Variants in SEMA3A observed in about 807,000 individuals in gnomAD.
The protein encoded by SEMA3A is semaphorin 3A.
In SEMA3A, 29 loss-of-function variants were observed where a neutral mutation model predicts 97.9. The observed-to-expected ratio is 0.30, with a 90% CI of 0.22 to 0.40. The LOEUF (loss-of-function observed/expected upper bound fraction) is 0.40. SEMA3A is among the 10% of genes least tolerant of loss of function. SEMA3A has a pLI of 1.00. For missense variants in SEMA3A, 763 were observed against 951.3 expected (o/e 0.80, Z 2.60); for synonymous variants, 321 against 323.7 (o/e 0.99, Z 0.09).
intron 4 of SEMA3A, among the ~76,000 whole-genome samples, chr7:84,081,311 G>A (rs1051814154): frequency 3.9e-5 from 6 of 152,030 alleles, no homozygotes; most frequent in Non-Finnish European, 8.8e-5. Flanking sequence ...AAGCTTGTAG[G>A]GCCGGGCGCG....
chr7:84,449,080 A>T (rs1805496685), intron 1 of SEMA3A, among the ~76,000 whole-genome samples: 1 of 152,208 alleles, frequency 6.6e-6, no homozygotes, highest in South Asian at 2.1e-4. Flanking sequence ...GTGCCAGGAA[A>T]ACTGCATATG....
At chr7:84,105,085 G>A (rs1795068889) in intron 4 of SEMA3A, among the ~76,000 whole-genome samples, 1 of 152,080 alleles carries the variant, frequency 6.6e-6, no homozygotes, top group African/African-American at 2.4e-5. Context: ...AGGCTAGCAT[G>A]CTACAAAATA....
chr7:84,298,092 T>G (rs1001231480), intron 3 of SEMA3A, among the ~76,000 whole-genome samples: 6 of 152,144 alleles, frequency 3.9e-5, no homozygotes, highest in Admixed American at 2.6e-4. Flanking sequence ...AAAATGATCC[T>G]AGAAATATGG....
chr7:84,424,607 T>C (rs1251124992), intron 1 of SEMA3A, among the ~76,000 whole-genome samples: 2 of 47,604 alleles, frequency 4.2e-5, no homozygotes, highest in Non-Finnish European at 6.2e-5. Context: ...TAAATATTAA[T>C]ATATAATATA....
chr7:84,012,161 C>T (rs1381299614), intron 7 of SEMA3A, among the ~76,000 whole-genome samples: 1 of 151,952 alleles, frequency 6.6e-6, no homozygotes, highest in Non-Finnish European at 1.5e-5. Flanking sequence ...TTGTACAACA[C>T]CATGACTTTA....
At chr7:84,418,962 C>T (rs1804514397) in intron 1 of SEMA3A, among the ~76,000 whole-genome samples, 1 of 152,014 alleles carries the variant, frequency 6.6e-6, no homozygotes, top group South Asian at 2.1e-4. Flanking sequence ...TATATACACA[C>T]ACACATACAT....
Position 83,957,444 on chromosome 7 carries a change from T to C in SEMA3A, c.*3927A>G, listed in dbSNP as rs1021750643. 6.6e-6 allele frequency: 1 copy of C among 152,082 alleles called. No individual in the cohort carries two copies. Among genetic ancestry groups the C allele is most frequent in the Non-Finnish European group, 1.5e-5 (1 of 67,976 alleles). 9.4% of individuals were successfully genotyped at this position (152,082 alleles called of 1,614,324 possible). A position where few individuals can be genotyped will look rare whatever the true frequency, so the allele number is the denominator to read the frequency against. On this transcript the variant is annotated 3_prime_UTR_variant, in exon 17 of 17. Coordinates refer to ENST00000265362, the MANE Select transcript of SEMA3A (RefSeq NM_006080.3). ...AGGCAAAGTGTCTAGAGGCCCAGTTTTTTAATATTCAAAATCTTCTTTTTG... is the reference window on the plus strand; with the variant it reads ...AGGCAAAGTGTCTAGAGGCCCAGTTCTTTAATATTCAAAATCTTCTTTTTG...
chr7:84,185,426 C>G (rs563707284), intron 1 of SEMA3A, among the ~76,000 whole-genome samples: 3 of 151,996 alleles, frequency 2.0e-5, no homozygotes, highest in South Asian at 4.1e-4. Flanking sequence ...AATCCCAGCA[C>G]TTTGGGAGGC....
At chr7:84,018,614 T>C (rs1791195417) in intron 6 of SEMA3A, among the ~76,000 whole-genome samples, 1 of 152,130 alleles carries the variant, frequency 6.6e-6, no homozygotes, top group Non-Finnish European at 1.5e-5. Flanking sequence ...TCAGAAGATA[T>C]GACATATACT....
intron 3 of SEMA3A, among the ~76,000 whole-genome samples, chr7:84,114,185 G>A (rs994252502): frequency 3.9e-5 from 6 of 152,064 alleles, no homozygotes; most frequent in Admixed American, 2.6e-4. Context: ...ACTAACTTCC[G>A]ATAATTATAC....
At chr7:84,133,578 A>G (rs943243155) in intron 2 of SEMA3A, among the ~76,000 whole-genome samples, 1 of 152,182 alleles carries the variant, frequency 6.6e-6, no homozygotes, top group African/African-American at 2.4e-5. Flanking sequence ...GATGTATTCC[A>G]AAATGAAATT....
intron 1 of SEMA3A, among the ~76,000 whole-genome samples, chr7:84,404,577 C>A (rs540382873): frequency 2.0e-4 from 31 of 151,984 alleles, no homozygotes; most frequent in Non-Finnish European, 3.8e-4. Flanking sequence ...AGAGCAACTC[C>A]AAGACACATA....
At chr7:84,261,253 A>G (rs1365423127) in intron 3 of SEMA3A, among the ~76,000 whole-genome samples, 2 of 151,056 alleles carry the variant, frequency 1.3e-5, no homozygotes, top group Non-Finnish European at 2.9e-5. Flanking sequence ...ACTCAATAAC[A>G]CTCCTCTCTA....
intron 2 of SEMA3A, among the ~76,000 whole-genome samples, chr7:84,321,872 G>GAAAAAAAAAAAAAAAAAAAAAAAAAAA (rs1156548285): frequency 8.3e-5 from 1 of 12,074 alleles, no homozygotes; most frequent in African/African-American, 2.5e-4. Context: ...CGAGACTACG[G>GAAAAAAAAAAAAAAAAAAAAAAAAAAA]AAAAAAAAAA....
At chr7:84,394,485 A>G (rs1280153581) in intron 1 of SEMA3A, among the ~76,000 whole-genome samples, 1 of 152,098 alleles carries the variant, frequency 6.6e-6, no homozygotes, top group African/African-American at 2.4e-5. Context: ...TGATTTGTAA[A>G]GTACAATTTC....
intron 1 of SEMA3A, among the ~76,000 whole-genome samples, chr7:84,407,764 G>C (rs1452965239): frequency 6.6e-6 from 1 of 152,140 alleles, no homozygotes; most frequent in African/African-American, 2.4e-5. Context: ...TCTGATCTTT[G>C]ACAAACCTGA....
chr7:84,261,068 C>G (rs1799845817), intron 3 of SEMA3A, among the ~76,000 whole-genome samples: 1 of 152,152 alleles, frequency 6.6e-6, no homozygotes, highest in African/African-American at 2.4e-5. Context: ...TTGGGATTAC[C>G]AACTGTGAGA....
intron 3 of SEMA3A, among the ~76,000 whole-genome samples, chr7:84,218,195 G>A (rs1798793303): frequency 6.6e-6 from 1 of 151,918 alleles, no homozygotes; most frequent in African/African-American, 2.4e-5. Flanking sequence ...CCTAAAATTT[G>A]AAATATTTTT....
chr7:84,406,638 T>C (rs999503355), intron 1 of SEMA3A, among the ~76,000 whole-genome samples: 1 of 152,126 alleles, frequency 6.6e-6, no homozygotes, highest in South Asian at 2.1e-4. Context: ...TGAACATTGA[T>C]GCAAAAATCC....
Sources: allele counts gnomAD v4.1 joint callset (sites outside exome capture counted in the v4.1 genomes callset), GRCh38; gene constraint gnomAD v4.1.1; transcripts MANE v1.5; gene names NCBI Gene and HGNC (gene_info 2026-07-23, HGNC 2026-07-21).